ZFAND2A: variants seen among roughly 807,000 people sequenced by gnomAD.
The protein encoded by ZFAND2A is AN1-type zinc finger protein 2A.
In ZFAND2A, 20 loss-of-function variants were observed where a neutral mutation model predicts 11.6. That is an observed-to-expected ratio of 1.72 (90% confidence interval 1.21 to 2.50). The LOEUF (loss-of-function observed/expected upper bound fraction) is 2.50, where lower values mean the gene tolerates loss of function less well. ZFAND2A is among the 30% of genes most tolerant of loss of function. The pLI is 0.00. For synonymous variants in ZFAND2A, 93 were observed against 60.6 expected, an observed-to-expected ratio of 1.54 and a Z score of -2.48; for missense variants, 234 against 182.9, an observed-to-expected ratio of 1.28 and a Z score of -1.61.
rs548702161 is a variant in ZFAND2A at position 1,158,231 on chromosome 7, A to C, written c.-19T>G. 6.2e-7 allele frequency: 1 copy of C among 1,613,350 alleles called. No homozygotes were observed. The highest frequency in any genetic ancestry group is 1.3e-5 in the African/African-American group (1 of 75,052). ...ACTCCATTATGAGAACAGTGCTCAA[A>C]ACGCAGATGGCGGAGTTAAGTGTCA... On this transcript the variant is annotated 5_prime_UTR_variant, in exon 2 of 5. Coordinates refer to ENST00000316495, the MANE Select transcript of ZFAND2A (RefSeq NM_182491.4).
downstream of ZFAND2A, among the ~76,000 whole-genome samples, chr7:1,149,424 G>C (rs997400793): frequency 6.6e-6 from 1 of 152,190 alleles, no homozygotes; most frequent in East Asian, 1.9e-4. Flanking sequence ...GTCCACCTCA[G>C]ACCACAGAAC....
chr7:1,152,814 C>G, downstream of ZFAND2A: 1 of 616,186 alleles, frequency 1.6e-6, no homozygotes, highest in Non-Finnish European at 2.9e-6. Flanking sequence ...ACCTCCAGCC[C>G]CCAGAACTGT....
downstream of ZFAND2A, among the ~76,000 whole-genome samples, chr7:1,149,399 C>T (rs1004730601): frequency 7.2e-5 from 11 of 152,360 alleles, no homozygotes; most frequent in South Asian, 8.3e-4. Flanking sequence ...CGGGCAGCTC[C>T]AGGTGTAAAC....
At chr7:1,155,771 A>C (rs1793512419) in intron 3 of ZFAND2A, 187 bp from the exon 4 acceptor site, 1 of 638,314 alleles carries the variant, frequency 1.6e-6, no homozygotes, top group Non-Finnish European at 2.5e-6. Context: ...GAATGTGGGC[A>C]TCAGCTGCCC....
chr7:1,154,743 A>T (rs1398196773), intron 4 of ZFAND2A, among the ~76,000 whole-genome samples: 1 of 152,238 alleles, frequency 6.6e-6, no homozygotes, highest in East Asian at 1.9e-4. Context: ...AGTATTGAAC[A>T]TCATATACTA....
In ZFAND2A at chr7:1,155,482, C is replaced by G; in HGVS notation, c.253G>C (p.Asp85His). The change falls in exon 4 of 5, where the codon GAC becomes CAC. Residue 85 changes from aspartate to histidine, a missense_variant. Physicochemically the swap from Asp to His is moderately conservative, Grantham distance 81. Coordinates refer to ENST00000316495, the MANE Select transcript of ZFAND2A (RefSeq NM_182491.4). The stretch of plus-strand genomic sequence containing the variant: ...TCTTTCTTCTTCCCAGGGTGAGAGT[C>G]ACAGTCTCTGTCAATGTGATCACCA... ...VVGDHIDRDC[D>H]SHPGKKKEKI... 6.2e-7 allele frequency: 1 copy of G among 1,613,794 alleles called. No individual in the cohort carries two copies. The highest frequency in any genetic ancestry group is 2.2e-5 in the East Asian group (1 of 44,872).
At chr7:1,155,057 G>A (rs563626192) in intron 4 of ZFAND2A, among the ~76,000 whole-genome samples, 1 of 152,214 alleles carries the variant, frequency 6.6e-6, no homozygotes, top group Non-Finnish European at 1.5e-5. Context: ...GGCAGAGGTT[G>A]CAATGAGCCG....
intron 3 of ZFAND2A, 148 bp from the exon 4 acceptor site, chr7:1,155,732 G>A: frequency 2.0e-6 from 2 of 990,654 alleles, no homozygotes; most frequent in East Asian, 3.0e-5. Context: ...AAGCATCACT[G>A]GGTCATGGAT....
downstream of ZFAND2A, among the ~76,000 whole-genome samples, chr7:1,150,379 T>A (rs1204372108): frequency 7.0e-6 from 1 of 143,828 alleles, no homozygotes; most frequent in Non-Finnish European, 1.5e-5. Context: ...GGACATCTGG[T>A]GGGCACAGCT....
At chr7:1,158,080 T>C in intron 2 of ZFAND2A, 78 bp downstream of exon 2, 2 of 1,411,626 alleles carry the variant, frequency 1.4e-6, no homozygotes, top group Non-Finnish European at 2.0e-6. Flanking sequence ...CAAGACACAA[T>C]TATCAGCTAA....
chr7:1,151,910 G>A (rs911964788), downstream of ZFAND2A, among the ~76,000 whole-genome samples: 8 of 152,004 alleles, frequency 5.3e-5, 1 homozygote, highest in East Asian at 1.3e-3. Flanking sequence ...CAGTGCAAAC[G>A]GGAAGGACCT....
intron 4 of ZFAND2A, 142 bp from the exon 5 acceptor site, chr7:1,153,366 G>C: frequency 1.2e-6 from 1 of 863,054 alleles, no homozygotes; most frequent in Non-Finnish European, 1.7e-6. Context: ...TCCTGCTTCA[G>C]CCTAGTACCT....
At chr7:1,152,615 C>G (rs1005361179), downstream of ZFAND2A, among the ~76,000 whole-genome samples, 6 of 152,134 alleles carry the variant, frequency 3.9e-5, no homozygotes, top group African/African-American at 1.4e-4. Context: ...TTTCAGAGGT[C>G]ACGACTGTGG....
At chr7:1,150,129 A>T (rs1452127551), downstream of ZFAND2A, among the ~76,000 whole-genome samples, 2 of 151,994 alleles carry the variant, frequency 1.3e-5, no homozygotes, top group Non-Finnish European at 2.9e-5. Flanking sequence ...TGTCAATTAA[A>T]ATAAAAGCAA....
chr7:1,151,583 A>G (rs1003407215), downstream of ZFAND2A, among the ~76,000 whole-genome samples: 2 of 151,926 alleles, frequency 1.3e-5, no homozygotes, highest in African/African-American at 4.8e-5. Context: ...GTTTCAGGCT[A>G]ACCATCTTCA....
At chr7:1,153,598 T>C (rs567167123) in intron 4 of ZFAND2A, among the ~76,000 whole-genome samples, 2 of 152,334 alleles carry the variant, frequency 1.3e-5, no homozygotes, top group Admixed American at 6.5e-5. Flanking sequence ...ACACAGTTCC[T>C]GTCTGCACAG....
At chr7:1,152,703 C>T (rs140882175), downstream of ZFAND2A, among the ~76,000 whole-genome samples, 62 of 152,126 alleles carry the variant, frequency 4.1e-4, no homozygotes, top group African/African-American at 1.4e-3. Context: ...AAGGTGGAGA[C>T]GGGGGTTGTG....
chr7:1,155,963 G>A (rs1399359652), intron 3 of ZFAND2A, among the ~76,000 whole-genome samples: 1 of 152,256 alleles, frequency 6.6e-6, no homozygotes, highest in African/African-American at 2.4e-5. Flanking sequence ...CCAACGGCCT[G>A]ATCCCTTTGC....
At chr7:1,157,548 T>C (rs1793558198) in intron 3 of ZFAND2A, 108 bp downstream of exon 3, 2 of 1,163,362 alleles carry the variant, frequency 1.7e-6, no homozygotes, top group African/African-American at 3.2e-5. Context: ...GATTTTAAAA[T>C]TTAATTTTCA....
Sources: allele counts gnomAD v4.1 joint callset (sites outside exome capture counted in the v4.1 genomes callset), GRCh38; gene constraint gnomAD v4.1.1; transcripts MANE v1.5; gene names NCBI Gene and HGNC (gene_info 2026-07-23, HGNC 2026-07-21).